The following CDC42BPB variants were observed in gnomAD, a reference collection of about 807,000 sequenced individuals.
CDC42BPB encodes serine/threonine-protein kinase MRCK beta.
CDC42BPB carries 37 observed loss-of-function variants against 214.9 expected under a neutral mutation model. The observed-to-expected ratio is 0.17, with a 90% CI of 0.13 to 0.23. CDC42BPB has a LOEUF of 0.23. Ranked by LOEUF, CDC42BPB falls within the 10% of genes least tolerant of loss-of-function variation. The pLI is 1.00. For missense variants in CDC42BPB, 1,694 were observed against 2,227.0 expected (o/e 0.76, Z 4.82); for synonymous variants, 931 against 884.0 (o/e 1.05, Z -0.94).
At chr14:103,028,486 C>T (rs190624642) in intron 1 of CDC42BPB, among the ~76,000 whole-genome samples, 96 of 152,326 alleles carry the variant, frequency 6.3e-4, no homozygotes, top group Non-Finnish European at 1.0e-3. Flanking sequence ...AGCCCCAGCA[C>T]GCAGAGCCAG....
chr14:103,031,631 G>T (rs969681488), intron 1 of CDC42BPB, among the ~76,000 whole-genome samples: 4 of 152,156 alleles, frequency 2.6e-5, no homozygotes, highest in Admixed American at 1.3e-4. Flanking sequence ...GATGAGCCTG[G>T]TATTTCTCTA....
chr14:103,035,509 G>A (rs555246439), intron 1 of CDC42BPB, among the ~76,000 whole-genome samples: 96 of 152,144 alleles, frequency 6.3e-4, no homozygotes, highest in South Asian at 2.1e-3. Context: ...ACCAGCCTGG[G>A]CAACATAGTA....
At chr14:102,989,998 T>C (rs1236530553) in intron 5 of CDC42BPB, among the ~76,000 whole-genome samples, 1 of 152,150 alleles carries the variant, frequency 6.6e-6, no homozygotes, top group African/African-American at 2.4e-5. Flanking sequence ...GCATGGACGA[T>C]AGCAGAAGAC....
intron 30 of CDC42BPB, chr14:102,940,621 C>T (rs1891848939): frequency 1.7e-6 from 1 of 576,598 alleles, no homozygotes; most frequent in Non-Finnish European, 2.8e-6. Flanking sequence ...TCATTTAGCT[C>T]TCATGAGATG....
At position 103,032,926 on chromosome 14, in the gene CDC42BPB, C is replaced by CT. The variant is rs1304918475; in HGVS notation, c.176-20739dup. Among the ~76,000 whole-genome samples the CT allele has an allele frequency of 2.6e-4, 38 of 144,622 alleles. 1 individual carries two copies. Among genetic ancestry groups the CT allele is most frequent in the South Asian group, 1.1e-3 (5 of 4,642 alleles). The allele number at this position is 144,622 out of a possible 152,430, so 94.9% of individuals were successfully genotyped here. On this transcript the variant is annotated intron_variant, in intron 1 of 36. Transcript: ENST00000361246. ...TCCACCGTGCCCGGCCACAAATCCACTTTTTTTAAAAAAAAAAAAAAAGGA... is the reference window on the plus strand; with the variant it reads ...TCCACCGTGCCCGGCCACAAATCCACTTTTTTTTAAAAAAAAAAAAAAAGGA...
intron 1 of CDC42BPB, among the ~76,000 whole-genome samples, chr14:103,056,427 G>T (rs921248291): frequency 6.6e-6 from 1 of 152,168 alleles, no homozygotes; most frequent in African/African-American, 2.4e-5. Context: ...TGGGCTCCCT[G>T]GGGATGCAAG....
At position 102,999,551 on chromosome 14, in the gene CDC42BPB, C is replaced by G; in HGVS notation, c.596+14G>C. 1 of 1,612,902 alleles carries G rather than the reference C, an allele frequency of 6.2e-7. No individual in the cohort carries two copies. The highest frequency in any genetic ancestry group is 1.7e-5 in the Admixed American group (1 of 59,928). ...TAAACGTGGTTTCCATAAAATATAT[C>G]AGAAGCCGGTTACCTGTGCACGTAA... On this transcript the variant is annotated intron_variant, in intron 5 of 36. Coordinates refer to ENST00000361246, the MANE Select transcript of CDC42BPB (RefSeq NM_006035.4).
intron 8 of CDC42BPB, 26 bp downstream of exon 8, chr14:102,980,747 C>A (rs766097697): frequency 4.3e-6 from 7 of 1,612,008 alleles, no homozygotes; most frequent in Non-Finnish European, 5.9e-6. Flanking sequence ...AGCCAGCAAC[C>A]CTGAGAACGG....
At chr14:103,018,406 G>A (rs537844715) in intron 1 of CDC42BPB, among the ~76,000 whole-genome samples, 32 of 152,278 alleles carry the variant, frequency 2.1e-4, no homozygotes, top group Non-Finnish European at 4.0e-4. Flanking sequence ...TTGCTATTTG[G>A]AAAACTTAGA....
chr14:102,966,440 G>C, intron 17 of CDC42BPB, 53 bp from the exon 18 acceptor site: 1 of 1,603,286 alleles, frequency 6.2e-7, no homozygotes, highest in Non-Finnish European at 8.5e-7. Context: ...TCAGGGAGAA[G>C]CCAAACAAGA....
At chr14:103,031,072 A>G (rs1887343470) in intron 1 of CDC42BPB, among the ~76,000 whole-genome samples, 1 of 151,742 alleles carries the variant, frequency 6.6e-6, no homozygotes, top group Non-Finnish European at 1.5e-5. Context: ...AGCATTTCTG[A>G]GTTACTTTTT....
At chr14:102,963,503 A>G (rs1318207320) in intron 19 of CDC42BPB, among the ~76,000 whole-genome samples, 1 of 152,200 alleles carries the variant, frequency 6.6e-6, no homozygotes, top group Non-Finnish European at 1.5e-5. Flanking sequence ...TATCTTTCCC[A>G]TAACTGGCAA....
chr14:102,954,782 C>G (rs1892642924), intron 21 of CDC42BPB, 94 bp from the exon 22 acceptor site: 7 of 1,503,266 alleles, frequency 4.7e-6, no homozygotes, highest in African/African-American at 1.4e-5. Flanking sequence ...AAAGCAGATT[C>G]TGTCTAGCCC....
chr14:102,950,699 G>T, intron 24 of CDC42BPB, 97 bp from the exon 25 acceptor site: 1 of 1,388,906 alleles, frequency 7.2e-7, no homozygotes, highest in South Asian at 1.7e-5. Context: ...TAATCACCAG[G>T]TCTCGCCTGG....
At chr14:102,962,715 T>A (rs35628388) in intron 20 of CDC42BPB, among the ~76,000 whole-genome samples, 34,901 of 152,060 alleles carry the variant, frequency 0.23, 5,113 homozygotes, top group South Asian at 0.33. Flanking sequence ...CCAGGGGTGG[T>A]GGTGGTGTGC....
At chr14:102,940,586 G>A in intron 30 of CDC42BPB, 1 of 920,980 alleles carries the variant, frequency 1.1e-6, no homozygotes, top group Admixed American at 3.1e-5. Context: ...AGATGTTGAA[G>A]GTGACTTTTA....
At chr14:102,975,565 T>G (rs1196597344) in intron 11 of CDC42BPB, 119 bp downstream of exon 11, 1 of 1,091,660 alleles carries the variant, frequency 9.2e-7, no homozygotes, top group Admixed American at 2.3e-5. Context: ...CTAAATAAGC[T>G]TGCTAAAGCC....
At chr14:102,934,824 A>ATGTG (rs1891570371) in intron 36 of CDC42BPB, among the ~76,000 whole-genome samples, 1 of 151,902 alleles carries the variant, frequency 6.6e-6, no homozygotes, top group Non-Finnish European at 1.5e-5. Context: ...ATCCTAACAC[A>ATGTG]GTGAAACCCT....
chr14:103,002,285 A>G (rs886269944), intron 4 of CDC42BPB, among the ~76,000 whole-genome samples: 1 of 152,190 alleles, frequency 6.6e-6, no homozygotes, highest in Non-Finnish European at 1.5e-5. Context: ...GAAAGCTTCC[A>G]AGGCCTCGCC....
Sources: gnomAD v4.1 joint callset for allele counts (sites outside exome capture counted in the v4.1 genomes callset) on GRCh38, gnomAD v4.1.1 for gene constraint, MANE v1.5 for transcripts, NCBI Gene and HGNC (gene_info 2026-07-23, HGNC 2026-07-21) for gene names.